CDK14: variants seen among roughly 807,000 people sequenced by gnomAD.
The protein encoded by CDK14 is cyclin dependent kinase 14.
Under a neutral mutation model 60.7 loss-of-function variants are expected in CDK14, and 34 were observed. The observed-to-expected ratio is 0.56, with a 90% CI of 0.43 to 0.75. The LOEUF (loss-of-function observed/expected upper bound fraction) is 0.75. Ranked by LOEUF, CDK14 falls within the 30% of genes least tolerant of loss-of-function variation. CDK14 has a pLI of 0.00. For synonymous variants in CDK14, 197 were observed against 203.7 expected (o/e 0.97, Z 0.28); for missense variants, 482 against 564.1 (o/e 0.85, Z 1.47).
At chr7:91,127,514 A>C (rs1207758428) in intron 14 of CDK14, among the ~76,000 whole-genome samples, 6 of 152,198 alleles carry the variant, frequency 3.9e-5, no homozygotes, top group Admixed American at 2.0e-4. Context: ...TAGGCTGCAC[A>C]TATCAAACCA....
intron 5 of CDK14, among the ~76,000 whole-genome samples, chr7:90,840,882 G>A (rs1165291424): frequency 7.4e-6 from 1 of 135,632 alleles, no homozygotes; most frequent in Non-Finnish European, 1.6e-5. Flanking sequence ...TAGAAATTCT[G>A]AGGGATTTTC....
chr7:90,835,773 G>A (rs1009780458), intron 5 of CDK14, among the ~76,000 whole-genome samples: 9 of 152,060 alleles, frequency 5.9e-5, no homozygotes, highest in African/African-American at 1.4e-4. Flanking sequence ...TAAATGTACC[G>A]TTAGGTGATT....
intron 5 of CDK14, among the ~76,000 whole-genome samples, chr7:90,832,934 A>G (rs943034884): frequency 2.0e-5 from 3 of 152,184 alleles, no homozygotes; most frequent in Non-Finnish European, 4.4e-5. Context: ...TGGGACTGTC[A>G]GTGGTGTCTG....
chr7:90,718,297 T>C (rs1244543258), intron 2 of CDK14, among the ~76,000 whole-genome samples: 1 of 152,120 alleles, frequency 6.6e-6, no homozygotes, highest in East Asian at 1.9e-4. Context: ...ACATGGTATG[T>C]ACCTGTCTTT....
chr7:90,800,497 G>C (rs1027625946), intron 5 of CDK14, among the ~76,000 whole-genome samples: 4 of 144,126 alleles, frequency 2.8e-5, no homozygotes, highest in African/African-American at 7.7e-5. Context: ...TTAAAATTTT[G>C]GTGTTTGACT....
At chr7:90,861,942 A>G (rs1791024026) in intron 5 of CDK14, among the ~76,000 whole-genome samples, 1 of 152,246 alleles carries the variant, frequency 6.6e-6, no homozygotes, top group Non-Finnish European at 1.5e-5. Context: ...AAAACTGTGC[A>G]TAACACTGAA....
chr7:90,747,393 A>G (rs1300463164), intron 3 of CDK14, among the ~76,000 whole-genome samples: 1 of 152,216 alleles, frequency 6.6e-6, no homozygotes, highest in East Asian at 1.9e-4. Context: ...TTATGTAAGA[A>G]AGCAATCATC....
intron 2 of CDK14, among the ~76,000 whole-genome samples, chr7:90,617,794 A>G (rs1156598862): frequency 6.6e-6 from 1 of 152,104 alleles, no homozygotes; most frequent in East Asian, 1.9e-4. Context: ...TCCTTCGGGT[A>G]GTAATTTGTT....
chr7:90,649,637 C>A (rs1473109157), intron 2 of CDK14, among the ~76,000 whole-genome samples: 1 of 151,384 alleles, frequency 6.6e-6, no homozygotes, highest in East Asian at 1.9e-4. Context: ...CATGCCCTGG[C>A]GAGTGATGTT....
At chr7:91,036,600 AAG>A (rs1316650304) in intron 10 of CDK14, among the ~76,000 whole-genome samples, 1 of 152,176 alleles carries the variant, frequency 6.6e-6, no homozygotes, top group African/African-American at 2.4e-5. Flanking sequence ...ACTCAACATG[AAG>A]ATAAAGATGA....
intron 14 of CDK14, among the ~76,000 whole-genome samples, chr7:91,206,819 G>A (rs1278115457): frequency 6.6e-6 from 1 of 152,076 alleles, no homozygotes; most frequent in East Asian, 1.9e-4. Flanking sequence ...TCTGTATGAT[G>A]CTACAGGCAC....
At chr7:90,685,107 A>G (rs1801406228) in intron 2 of CDK14, among the ~76,000 whole-genome samples, 1 of 151,458 alleles carries the variant, frequency 6.6e-6, no homozygotes, top group South Asian at 2.1e-4. Context: ...TTCATCTTTT[A>G]TATTTACATG....
intron 10 of CDK14, among the ~76,000 whole-genome samples, chr7:91,018,686 A>C (rs1011591287): frequency 1.2e-4 from 18 of 151,970 alleles, no homozygotes; most frequent in Admixed American, 1.1e-3. Flanking sequence ...ATTCTCCCAA[A>C]ATCTGGTTGT....
At chr7:90,680,993 AG>A (rs1801302802) in intron 2 of CDK14, among the ~76,000 whole-genome samples, 1 of 152,254 alleles carries the variant, frequency 6.6e-6, no homozygotes, top group Admixed American at 6.5e-5. Context: ...TTCTGTAAAG[AG>A]ACAGATAGTA....
chr7:90,735,790 C>A (rs1178495602), intron 3 of CDK14, among the ~76,000 whole-genome samples: 2 of 152,236 alleles, frequency 1.3e-5, no homozygotes, highest in African/African-American at 4.8e-5. Flanking sequence ...CCGAGCCAGA[C>A]CACTTGGCTC....
rs989941884 is a variant in CDK14, at chr7:90,800,983, A to G, written c.544+10331A>G. Among the ~76,000 whole-genome samples the G allele has an allele frequency of 2.0e-5, 3 of 152,312 alleles. No homozygotes were observed. The South Asian group carries it at 6.2e-4, about 32-fold the overall frequency. On this transcript the variant is annotated intron_variant, in intron 5 of 14. Coordinates refer to ENST00000380050, the MANE Select transcript of CDK14 (RefSeq NM_001287135.2). ...CTGTGTCTTCTCCTCTTATAGGGAC[A>G]TCAGTCATTGGATTTAGAGCCCACG... is the stretch of plus-strand genomic sequence containing the variant.
intron 4 of CDK14, among the ~76,000 whole-genome samples, chr7:90,777,483 C>T (rs141477281): frequency 7.4e-4 from 113 of 152,292 alleles, no homozygotes; most frequent in African/African-American, 2.5e-3. Context: ...CCTGGTTGCA[C>T]GTTAGAATCA....
chr7:90,819,298 T>C (rs1363498832), intron 5 of CDK14, among the ~76,000 whole-genome samples: 2 of 152,162 alleles, frequency 1.3e-5, no homozygotes, highest in African/African-American at 4.8e-5. Context: ...CTGAAATGAT[T>C]TGTTATGCAT....
intron 5 of CDK14, among the ~76,000 whole-genome samples, chr7:90,818,203 C>A (rs1364543803): frequency 3.3e-5 from 5 of 152,134 alleles, no homozygotes; most frequent in Non-Finnish European, 1.5e-5. Flanking sequence ...AGAAAACAAT[C>A]AAAACTTGTC....
Sources: allele counts gnomAD v4.1 joint callset (sites outside exome capture counted in the v4.1 genomes callset), GRCh38; gene constraint gnomAD v4.1.1; transcripts MANE v1.5; gene names NCBI Gene and HGNC (gene_info 2026-07-23, HGNC 2026-07-21).